Variants in MGST1 observed in about 807,000 individuals in gnomAD.
The protein encoded by MGST1 is microsomal glutathione S-transferase 1, also known as glutathione S-transferase 12.
Under a neutral mutation model 8.9 loss-of-function variants are expected in MGST1, and 5 were observed. That is an observed-to-expected ratio of 0.56 (90% CI 0.29 to 1.19). The LOEUF is 1.19. Among genes scored for constraint, MGST1 ranks in the 50% most tolerant of loss-of-function variants. The pLI is 0.08. For synonymous variants in MGST1, 54 were observed against 67.8 expected (o/e 0.80, Z 1.00); for missense variants, 182 against 187.4 (o/e 0.97, Z 0.17).
chr12:16,433,534 C>T, intron 1 of MGST1, among the ~76,000 whole-genome samples: 1 of 152,066 alleles, frequency 6.6e-6, no homozygotes, highest in Non-Finnish European at 1.5e-5. Context: ...TAGAAATTTT[C>T]TCTTATTCAG....
At chr12:16,414,633 T>C (rs1287770823) in intron 1 of MGST1, among the ~76,000 whole-genome samples, 1 of 151,906 alleles carries the variant, frequency 6.6e-6, no homozygotes, top group Non-Finnish European at 1.5e-5. Context: ...GCCAGGATAG[T>C]CTCCATCTCC....
downstream of MGST1, among the ~76,000 whole-genome samples, chr12:16,368,740 C>G (rs974788908): frequency 6.6e-6 from 1 of 152,040 alleles, no homozygotes; most frequent in African/African-American, 2.4e-5. Context: ...AGCGCAGGCC[C>G]TAAGTCACAT....
At chr12:16,529,990 A>T (rs766176106) in intron 4 of MGST1, among the ~76,000 whole-genome samples, 1 of 152,112 alleles carries the variant, frequency 6.6e-6, no homozygotes, top group Non-Finnish European at 1.5e-5. Flanking sequence ...AATAGCAAAA[A>T]CACTCAAAGC....
downstream of MGST1, among the ~76,000 whole-genome samples, chr12:16,368,593 G>A (rs892774873): frequency 6.6e-6 from 1 of 152,152 alleles, no homozygotes; most frequent in Non-Finnish European, 1.5e-5. Context: ...TGTTGGATTT[G>A]ACAAGGAGGA....
At chr12:16,385,360 G>A (rs1940495551) in intron 1 of MGST1, among the ~76,000 whole-genome samples, 1 of 152,088 alleles carries the variant, frequency 6.6e-6, no homozygotes, top group Admixed American at 6.5e-5. Context: ...GGTGGAGGGA[G>A]GTTGGAAGTG....
rs1173975243 is a variant in MGST1 at position 16,458,984 on chromosome 12, G to GCTGA, written n.482+75381_482+75384dup. ...GGCAGAATTTCATACCCAGAGCACT[G>GCTGA]CTGAGCCTTGTTAGCAACCCTGGCC... On this transcript the variant is annotated intron_variant and non_coding_transcript_variant, in intron 4 of 4. Transcript: ENST00000538857. The surrounding 1 kb of genome is among the most constrained non-coding windows in gnomAD (Gnocchi z 4.0). 6.6e-6 allele frequency among the ~76,000 whole-genome samples: 1 copy of GCTGA among 152,026 alleles called. No individual in the cohort carries two copies. Among genetic ancestry groups the GCTGA allele is most frequent in the Non-Finnish European group, 1.5e-5 (1 of 67,984 alleles).
At position 16,399,137 on chromosome 12, in the gene MGST1, T is replaced by G. The variant is rs796897126; in HGVS notation, n.778+15533T>G. On this transcript the variant is annotated intron_variant and non_coding_transcript_variant, in intron 1 of 1. Transcript: ENST00000359720. ...AATGCTCCGAGTAGATTGGTCCACA[T>G]AAATGGCCCCCGAAACCCATAAACA... The G allele has an allele frequency of 8.3e-6, 7 of 839,384 alleles. No individual in the cohort carries two copies. The African/African-American group carries it at 1.2e-4, about 14-fold the overall frequency. The allele number at this position is 839,384 out of a possible 1,614,324, so 52.0% of individuals were successfully genotyped here.
At chr12:16,557,453 G>A (rs1275078001) in intron 4 of MGST1, among the ~76,000 whole-genome samples, 1 of 151,136 alleles carries the variant, frequency 6.6e-6, no homozygotes, top group Non-Finnish European at 1.5e-5. Flanking sequence ...TCTGCTAGGA[G>A]AATAATTGGT....
At position 16,392,732 on chromosome 12, in the gene MGST1, A is replaced by G. The variant is rs191537704; in HGVS notation, n.778+9128A>G. ...TATTTTCCTGTCTCTATATCTCTGT[A>G]TGTCTCTATATCTATCTAGATATAT... On this transcript the variant is annotated intron_variant and non_coding_transcript_variant, in intron 1 of 1. Transcript: ENST00000359720. 1.1e-4 allele frequency among the ~76,000 whole-genome samples: 17 copies of G among 152,226 alleles called. No individual in the cohort carries two copies. The East Asian group carries it at 3.3e-3, about 29-fold the overall frequency.
At chr12:16,552,969 TA>T (rs1942047850) in intron 4 of MGST1, among the ~76,000 whole-genome samples, 1 of 152,104 alleles carries the variant, frequency 6.6e-6, no homozygotes, top group South Asian at 2.1e-4. Context: ...TAATTGAAAA[TA>T]AAACTTTGGT....
chr12:16,455,101 T>C (rs1246432724), intron 4 of MGST1, among the ~76,000 whole-genome samples: 1 of 151,834 alleles, frequency 6.6e-6, no homozygotes, highest in Non-Finnish European at 1.5e-5. Context: ...GAATTGACAG[T>C]GGAAAGCATT....
At chr12:16,523,239 G>C (rs1185902152) in intron 4 of MGST1, among the ~76,000 whole-genome samples, 1 of 152,012 alleles carries the variant, frequency 6.6e-6, no homozygotes, top group Non-Finnish European at 1.5e-5. Flanking sequence ...ATCACGAAAA[G>C]AGCCCTGGAC....
At chr12:16,506,913 G>A (rs1001569569) in intron 4 of MGST1, among the ~76,000 whole-genome samples, 7 of 152,196 alleles carry the variant, frequency 4.6e-5, no homozygotes, top group African/African-American at 1.7e-4. Flanking sequence ...GTACAAACAA[G>A]ATAGTGATGC....
rs940808718 is a variant in MGST1 at position 16,517,694 on chromosome 12, A to C, written n.483-71834A>C. Among the ~76,000 whole-genome samples the C allele has an allele frequency of 6.6e-6, 1 of 152,196 alleles. No individual in the cohort carries two copies. Among genetic ancestry groups the C allele is most frequent in the Non-Finnish European group, 1.5e-5 (1 of 68,018 alleles). On this transcript the variant is annotated intron_variant and non_coding_transcript_variant, in intron 4 of 4. Coordinates refer to the MGST1 transcript ENST00000538857. This position sits in a 1 kb window ranked among gnomAD's most constrained non-coding sequence, Gnocchi z 4.2. The stretch of plus-strand genomic sequence containing the variant: ...TTGCAAGCCAACTTGGCTTGTGCTC[A>C]TCTAAGCACTGTCCACAGAGAAGAG...
chr12:16,371,207 A>T (rs1441646302), intron 3 of MGST1, among the ~76,000 whole-genome samples: 2 of 152,272 alleles, frequency 1.3e-5, no homozygotes, highest in East Asian at 3.9e-4. Context: ...TCTAATCATT[A>T]TTCTGGGTTC....
chr12:16,538,796 G>C (rs1047935003), intron 4 of MGST1, among the ~76,000 whole-genome samples: 3 of 151,964 alleles, frequency 2.0e-5, no homozygotes, highest in Non-Finnish European at 4.4e-5. Flanking sequence ...TTTTAGTAGA[G>C]ACGGGGTTTC....
At chr12:16,450,444 A>G (rs1414957905) in intron 4 of MGST1, among the ~76,000 whole-genome samples, 2 of 151,966 alleles carry the variant, frequency 1.3e-5, no homozygotes, top group Non-Finnish European at 2.9e-5. Flanking sequence ...GTTCTTGATG[A>G]CTGAAACAAA....
At chr12:16,353,365 G>A (rs1939559585) in intron 1 of MGST1, 1 of 152,138 alleles carries the variant, frequency 6.6e-6, no homozygotes, top group Non-Finnish European at 1.5e-5. Context: ...AAGAAATTTA[G>A]TCTCAGAGAC....
At chr12:16,487,324 T>G (rs945384820) in intron 4 of MGST1, among the ~76,000 whole-genome samples, 2 of 152,154 alleles carry the variant, frequency 1.3e-5, no homozygotes, top group Non-Finnish European at 2.9e-5. Context: ...CTAGAAAACT[T>G]TATAGTTGAA....
Sources: allele counts gnomAD v4.1 joint callset (sites outside exome capture counted in the v4.1 genomes callset), GRCh38; gene constraint gnomAD v4.1.1; non-coding constraint Gnocchi (gnomAD v3.1); transcripts MANE v1.5; gene names NCBI Gene and HGNC (gene_info 2026-07-23, HGNC 2026-07-21).